Variants in TCF4 observed in about 807,000 individuals in gnomAD.
TCF4 encodes the protein SL3-3 enhancer factor 2.
In TCF4, 3 loss-of-function variants were observed where a neutral mutation model predicts 82.1. The observed-to-expected ratio is 0.04, with a 90% CI of 0.02 to 0.09. The LOEUF is 0.09. TCF4 is among the 10% of genes least tolerant of loss of function. The probability of loss-of-function intolerance (pLI) is 1.00; values close to 1 mark genes in which losing one functional copy is unlikely to be tolerated. For missense variants in TCF4, 518 were observed against 852.7 expected, an observed-to-expected ratio of 0.61 and a Z score of 4.89; for synonymous variants, 276 against 309.6, an observed-to-expected ratio of 0.89 and a Z score of 1.14.
chr18:55,290,863 A>AT (rs1373435841), intron 8 of TCF4, among the ~76,000 whole-genome samples: 1 of 152,200 alleles, frequency 6.6e-6, no homozygotes, highest in Non-Finnish European at 1.5e-5. Context: ...GATAATAATA[A>AT]TACTCAAAGA....
At chr18:55,614,435 TAA>T (rs1412213385) in intron 2 of TCF4, among the ~76,000 whole-genome samples, 2 of 152,160 alleles carry the variant, frequency 1.3e-5, no homozygotes, top group South Asian at 4.1e-4. Context: ...CCCTAAAGCA[TAA>T]GATATGGATG....
intron 15 of TCF4, among the ~76,000 whole-genome samples, chr18:55,246,717 T>C (rs983953543): frequency 2.0e-5 from 3 of 152,154 alleles, no homozygotes; most frequent in Admixed American, 2.0e-4. Context: ...TGTCCTTTTT[T>C]TTTTCAGTTT....
intron 10 of TCF4, among the ~76,000 whole-genome samples, chr18:55,271,118 C>T (rs890171920): frequency 6.6e-6 from 1 of 152,030 alleles, no homozygotes; most frequent in Non-Finnish European, 1.5e-5. Flanking sequence ...GAGTGTTGCC[C>T]TGTTTACTCT....
chr18:55,237,837 C>T (rs998355658), intron 15 of TCF4, among the ~76,000 whole-genome samples: 1 of 152,172 alleles, frequency 6.6e-6, no homozygotes, highest in Non-Finnish European at 1.5e-5. Flanking sequence ...CATATTCTAA[C>T]CCTGTTTTCT....
At chr18:55,344,944 C>A (rs549935535) in intron 8 of TCF4, among the ~76,000 whole-genome samples, 175 of 152,246 alleles carry the variant, frequency 1.1e-3, no homozygotes, top group African/African-American at 4.1e-3. Flanking sequence ...TTTCTTCTCT[C>A]TTTCTATCTA....
rs1415257662 is a variant in TCF4 at position 55,327,150 on chromosome 18, A to AATT, written c.549+23206_549+23208dup. On this transcript the variant is annotated intron_variant, in intron 8 of 19. Transcript: ENST00000354452. ...TGAAATAACTGTTTTCTTATTAAGC[A>AATT]ATTAAGATTTTTACTTTTTCAATTG... 5.3e-5 allele frequency among the ~76,000 whole-genome samples: 8 copies of AATT among 152,274 alleles called. No homozygotes were observed. In the East Asian group the frequency reaches 1.5e-3, roughly 29 times the overall value.
chr18:55,470,757 G>A (rs1405887020), intron 3 of TCF4, among the ~76,000 whole-genome samples: 1 of 152,120 alleles, frequency 6.6e-6, no homozygotes, highest in Admixed American at 6.6e-5. Context: ...ATTTTGCATT[G>A]CTCTAAGTCT....
intron 8 of TCF4, among the ~76,000 whole-genome samples, chr18:55,281,861 C>T (rs993866728): frequency 6.6e-6 from 1 of 151,818 alleles, no homozygotes; most frequent in African/African-American, 2.4e-5. Flanking sequence ...GTCACTTACT[C>T]CAAATTCATA....
intron 6 of TCF4, among the ~76,000 whole-genome samples, chr18:55,361,593 G>A (rs2085213986): frequency 6.6e-6 from 1 of 152,166 alleles, no homozygotes; most frequent in Non-Finnish European, 1.5e-5. Flanking sequence ...CTGGTCAAAT[G>A]TCATCTCCTT....
chr18:55,451,653 G>A (rs1406896905), intron 5 of TCF4, among the ~76,000 whole-genome samples: 1 of 152,176 alleles, frequency 6.6e-6, no homozygotes, highest in African/African-American at 2.4e-5. Flanking sequence ...TGAGGTTCAG[G>A]ATTCCCTAAC....
intron 11 of TCF4, chr18:55,268,566 T>C (rs1219223839): frequency 1.3e-5 from 2 of 152,128 alleles, no homozygotes; most frequent in East Asian, 1.9e-4. Flanking sequence ...TTAGACAGGA[T>C]AGCGGAGTGG....
At chr18:55,402,708 T>C (rs1307451313) in intron 6 of TCF4, among the ~76,000 whole-genome samples, 1 of 152,176 alleles carries the variant, frequency 6.6e-6, no homozygotes, top group East Asian at 1.9e-4. Flanking sequence ...AACTCAGTTG[T>C]CTTGAAACAA....
intron 6 of TCF4, among the ~76,000 whole-genome samples, chr18:55,360,992 T>C (rs1306774268): frequency 2.6e-5 from 4 of 152,152 alleles, no homozygotes. Flanking sequence ...CCCAAAGTGC[T>C]GGGATTACAG....
intron 3 of TCF4, chr18:55,510,674 G>A: frequency 6.8e-7 from 1 of 1,480,858 alleles, no homozygotes; most frequent in South Asian, 1.3e-5. Context: ...AACTTTTAAA[G>A]TTTGTGAACT....
At chr18:55,233,178 A>G (rs192989731) in intron 16 of TCF4, among the ~76,000 whole-genome samples, 1 of 152,360 alleles carries the variant, frequency 6.6e-6, no homozygotes, top group East Asian at 1.9e-4. Flanking sequence ...AATGGTACAT[A>G]TGGAAGGCAG....
At chr18:55,249,383 T>C (rs909885591) in intron 15 of TCF4, among the ~76,000 whole-genome samples, 12 of 152,184 alleles carry the variant, frequency 7.9e-5, no homozygotes, top group Non-Finnish European at 1.2e-4. Flanking sequence ...TCCACTTTTA[T>C]TGGTGATTTC....
upstream of TCF4, among the ~76,000 whole-genome samples, chr18:55,590,304 G>C (rs1195154694): frequency 6.6e-6 from 1 of 152,178 alleles, no homozygotes; most frequent in Non-Finnish European, 1.5e-5. Context: ...GGGCCAAGTT[G>C]GTCCTAGGCT....
chr18:55,594,272 C>T (rs753726650), intron 2 of TCF4, among the ~76,000 whole-genome samples: 1 of 152,312 alleles, frequency 6.6e-6, no homozygotes, highest in South Asian at 2.1e-4. Context: ...AGTAAGTACT[C>T]AATCGTATTA....
chr18:55,353,577 T>C (rs1333529114), intron 6 of TCF4, among the ~76,000 whole-genome samples: 2 of 152,172 alleles, frequency 1.3e-5, no homozygotes, highest in Non-Finnish European at 2.9e-5. Context: ...AACACCTCCT[T>C]AGGGAAAATG....
Sources: gnomAD v4.1 joint callset for allele counts (sites outside exome capture counted in the v4.1 genomes callset) on GRCh38, gnomAD v4.1.1 for gene constraint, MANE v1.5 for transcripts, NCBI Gene and HGNC (gene_info 2026-07-23, HGNC 2026-07-21) for gene names.